FAM24B: variants seen among roughly 807,000 people sequenced by gnomAD.
The protein encoded by FAM24B is protein FAM24B.
A neutral mutation model predicts 2.3 loss-of-function variants in FAM24B; 3 were observed. That is an observed-to-expected ratio of 1.29 (90% CI 0.59 to 3.32). The LOEUF (loss-of-function observed/expected upper bound fraction) is 3.32. Ranked by LOEUF, FAM24B falls within the 30% of genes most tolerant of loss-of-function variation. The pLI, the probability that FAM24B is intolerant of heterozygous loss-of-function variation, is 0.03. For synonymous variants in FAM24B, 36 were observed against 46.3 expected (o/e 0.78, Z 0.90); for missense variants, 98 against 117.2 (o/e 0.84, Z 0.76).
At position 122,875,839 on chromosome 10, in the gene FAM24B, G is replaced by A. The variant is rs142202402; in HGVS notation, c.-178+3646C>T. Among the ~76,000 whole-genome samples the A allele has an allele frequency of 7.9e-3, 1,201 of 152,198 alleles. 21 individuals are homozygous for A. Among genetic ancestry groups the A allele is most frequent in the African/African-American group, 0.028 (1,145 of 41,524 alleles). Reference sequence around the variant, plus strand: ...TGGGTTCAAGCATGTGCACTAAGAGGCAAAATGGCAGAGTTTAACTGGTAT... The same window carrying A: ...TGGGTTCAAGCATGTGCACTAAGAGACAAAATGGCAGAGTTTAACTGGTAT... On this transcript the variant is annotated intron_variant, in intron 1 of 3. Coordinates refer to ENST00000368898, the MANE Select transcript of FAM24B (RefSeq NM_152644.3).
intron 2 of FAM24B, among the ~76,000 whole-genome samples, chr10:122,851,118 A>C (rs1027383129): frequency 2.0e-5 from 3 of 152,212 alleles, no homozygotes; most frequent in Non-Finnish European, 4.4e-5. Flanking sequence ...CTAAATCTTA[A>C]ATTCTCCCAA....
chr10:122,863,515 C>T (rs1163760155), intron 1 of FAM24B, among the ~76,000 whole-genome samples: 2 of 152,172 alleles, frequency 1.3e-5, no homozygotes, highest in African/African-American at 4.8e-5. Flanking sequence ...ACAGAGCTTT[C>T]AAAAGTCTTT....
At chr10:122,851,314 C>T (rs74163512) in intron 2 of FAM24B, among the ~76,000 whole-genome samples, 2,703 of 152,320 alleles carry the variant, frequency 0.018, 61 homozygotes, top group African/African-American at 0.055. Flanking sequence ...CAGGACATCT[C>T]ATCACGAATT....
intron 1 of FAM24B, among the ~76,000 whole-genome samples, chr10:122,856,786 G>T (rs1246995593): frequency 6.6e-6 from 1 of 152,114 alleles, no homozygotes; most frequent in Non-Finnish European, 1.5e-5. Context: ...AAGAGATGTA[G>T]ACAGTGATTA....
intron 2 of FAM24B, among the ~76,000 whole-genome samples, chr10:122,852,326 TA>T (rs1399129040): frequency 6.6e-6 from 1 of 152,146 alleles, no homozygotes; most frequent in Non-Finnish European, 1.5e-5. Flanking sequence ...TAAGAACACT[TA>T]CATGGTAACT....
intron 2 of FAM24B, among the ~76,000 whole-genome samples, chr10:122,852,292 G>C (rs1260948251): frequency 6.6e-6 from 1 of 152,198 alleles, no homozygotes; most frequent in Non-Finnish European, 1.5e-5. Context: ...AGGAGCAGAA[G>C]CCATTGCCAG....
intron 2 of FAM24B, among the ~76,000 whole-genome samples, chr10:122,852,779 C>T (rs1046767839): frequency 6.6e-6 from 1 of 152,192 alleles, no homozygotes; most frequent in African/African-American, 2.4e-5. Context: ...AGCTTGGTAA[C>T]AGTAGACATC....
At chr10:122,866,982 C>T (rs550157795) in intron 1 of FAM24B, among the ~76,000 whole-genome samples, 84 of 152,214 alleles carry the variant, frequency 5.5e-4, no homozygotes, top group African/African-American at 2.0e-3. Context: ...AAACAGTTAC[C>T]AAGTTGGAAT....
intron 1 of FAM24B, among the ~76,000 whole-genome samples, chr10:122,866,611 T>C (rs1463312809): frequency 6.6e-6 from 1 of 152,114 alleles, no homozygotes; most frequent in Admixed American, 6.5e-5. Flanking sequence ...ACTTTTGCTT[T>C]ATTATTATAT....
chr10:122,849,468 G>A lies in FAM24B; in HGVS notation c.93-29C>T, dbSNP rs147912303. ...GAGAAAAGACACACACAAAGCACAG[G>A]CTTAGAATTTTTCTTCTCAGCCCTT... is the stretch of plus-strand genomic sequence containing the variant. On this transcript the variant is annotated intron_variant, in intron 3 of 3. Transcript: ENST00000368898. 2.4e-4 allele frequency: 379 copies of A among 1,567,046 alleles called. 2 individuals are homozygous for A. In the African/African-American group the frequency reaches 4.5e-3, roughly 18 times the overall value.
chr10:122,854,883 C>G (rs1170551893), intron 2 of FAM24B, among the ~76,000 whole-genome samples: 1 of 151,720 alleles, frequency 6.6e-6, no homozygotes, highest in African/African-American at 2.4e-5. Context: ...TAACCACTAA[C>G]AAATGGTGCA....
At position 122,850,567 on chromosome 10, in the gene FAM24B, A is replaced by T; in HGVS notation, c.-35-17T>A. Reference sequence around the variant, plus strand: ...TCGATGTACCTAGGCAGATAAGTGCAAGCAAGCACTGAGCCCACGTGGTCT... The same window carrying T: ...TCGATGTACCTAGGCAGATAAGTGCTAGCAAGCACTGAGCCCACGTGGTCT... On this transcript the variant is annotated splice_polypyrimidine_tract_variant and intron_variant, in intron 2 of 3. Coordinates refer to ENST00000368898, the MANE Select transcript of FAM24B (RefSeq NM_152644.3). 7.5e-7 allele frequency: 1 copy of T among 1,339,612 alleles called. No homozygotes were observed. Among genetic ancestry groups the T allele is most frequent in the Non-Finnish European group, 1.1e-6 (1 of 928,936 alleles). The allele number at this position is 1,339,612 out of a possible 1,614,324, so 83.0% of individuals were successfully genotyped here. A position where few individuals can be genotyped will look rare whatever the true frequency, so the allele number is the denominator to read the frequency against.
chr10:122,857,798 C>T (rs1647124295), intron 1 of FAM24B, among the ~76,000 whole-genome samples: 1 of 152,204 alleles, frequency 6.6e-6, no homozygotes, highest in South Asian at 2.1e-4. Flanking sequence ...TTCAAACTCA[C>T]ATTTCTAGGC....
At chr10:122,863,820 G>T (rs144346043) in intron 1 of FAM24B, among the ~76,000 whole-genome samples, 136 of 152,264 alleles carry the variant, frequency 8.9e-4, no homozygotes, top group African/African-American at 3.2e-3. Context: ...GCCAGTGTCG[G>T]CTACAAGCCC....
rs576191054 is a variant in FAM24B at position 122,865,263 on chromosome 10, C to T, written c.-177-9477G>A. Among the ~76,000 whole-genome samples the T allele has an allele frequency of 3.3e-5, 5 of 152,210 alleles. No individual in the cohort carries two copies. The South Asian group carries it at 1.0e-3, about 32-fold the overall frequency. ...TAGCTGTAGGTTGTTTGTACATGTT[C>T]TTTATTAACCTGAAGAAGTTTCCAT... is the stretch of plus-strand genomic sequence containing the variant. On this transcript the variant is annotated intron_variant, in intron 1 of 3. Coordinates refer to ENST00000368898, the MANE Select transcript of FAM24B (RefSeq NM_152644.3).
At chr10:122,869,571 T>C (rs1847857861) in intron 1 of FAM24B, among the ~76,000 whole-genome samples, 2 of 151,778 alleles carry the variant, frequency 1.3e-5, no homozygotes, top group Non-Finnish European at 1.5e-5. Context: ...GAACAGAAAT[T>C]ATAACAAACT....
intron 1 of FAM24B, among the ~76,000 whole-genome samples, chr10:122,860,945 A>G (rs1177656138): frequency 1.3e-5 from 2 of 151,968 alleles, no homozygotes; most frequent in Non-Finnish European, 2.9e-5. Context: ...CCCTTTATGA[A>G]ATATGTGATT....
At chr10:122,873,363 A>C (rs1458556151) in intron 1 of FAM24B, among the ~76,000 whole-genome samples, 1 of 152,228 alleles carries the variant, frequency 6.6e-6, no homozygotes, top group Non-Finnish European at 1.5e-5. Context: ...TTATAAATGG[A>C]ACAACAAAAC....
chr10:122,856,668 CTCT>C (rs1198725269), intron 1 of FAM24B, among the ~76,000 whole-genome samples: 4 of 152,168 alleles, frequency 2.6e-5, no homozygotes, highest in Non-Finnish European at 4.4e-5. Flanking sequence ...CTGCAGGGGT[CTCT>C]TCTTCTTTCC....
Sources: allele counts gnomAD v4.1 joint callset (sites outside exome capture counted in the v4.1 genomes callset), GRCh38; gene constraint gnomAD v4.1.1; transcripts MANE v1.5; gene names NCBI Gene and HGNC (gene_info 2026-07-23, HGNC 2026-07-21).